Variants in DCAF16 observed in about 807,000 individuals in gnomAD.
DCAF16 encodes DDB1 and CUL4 associated factor 16.
DCAF16 carries 10 observed loss-of-function variants against 17.3 expected under a neutral mutation model. That is an observed-to-expected ratio of 0.58 (90% confidence interval 0.36 to 0.98). The LOEUF is 0.98. DCAF16 is among the 50% of genes least tolerant of loss of function. DCAF16 has a pLI of 0.01. For synonymous variants in DCAF16, 111 were observed against 92.8 expected, an observed-to-expected ratio of 1.20 and a Z score of -1.12; for missense variants, 249 against 247.6, an observed-to-expected ratio of 1.01 and a Z score of -0.04.
chr4:17,800,144 CAAAAA>C (rs971077538), downstream of DCAF16, among the ~76,000 whole-genome samples: 1 of 46,002 alleles, frequency 2.2e-5, no homozygotes, highest in Non-Finnish European at 5.0e-5. Flanking sequence ...AACTCCATCT[CAAAAA>C]AAAAAAAAAA....
Position 17,803,647 on chromosome 4 carries a change from G to T in DCAF16, c.495C>A (p.Tyr165Ter). The change falls in exon 3 of 3, where the codon TAC becomes TAA. Residue 165 changes from tyrosine (Y) to a stop codon, truncating the protein, a stop_gained. Coordinates refer to ENST00000382247, the MANE Select transcript of DCAF16 (RefSeq NM_017741.4). LOFTEE classifies it high-confidence loss of function. ...TLSRATPIPE[Y>*]LKQIPNSCVS... The stretch of plus-strand genomic sequence containing the variant: ...CACATGAATTAGGGATCTGTTTTAG[G>T]TATTCAGGTATGGGAGTGGCTCTAC... 6.2e-7 allele frequency: 1 copy of T among 1,614,218 alleles called. No homozygotes were observed. The highest frequency in any genetic ancestry group is 8.5e-7 in the Non-Finnish European group (1 of 1,180,030).
In DCAF16 at chr4:17,801,947, C is replaced by T. The variant is rs1475089231; in HGVS notation, c.*1544G>A. ...TGAAACCCTGTCTCTACTAAAAATA[C>T]AAAAAAATAGCCAGGAGTGGTGGTG... On this transcript the variant is annotated 3_prime_UTR_variant, in exon 3 of 3. Coordinates refer to ENST00000382247, the MANE Select transcript of DCAF16 (RefSeq NM_017741.4). The T allele has an allele frequency of 6.6e-6, 1 of 151,712 alleles. No homozygotes were observed. Among genetic ancestry groups the T allele is most frequent in the South Asian group, 2.1e-4 (1 of 4,820 alleles). The allele number at this position is 151,712 out of a possible 1,614,324, so 9.4% of individuals were successfully genotyped here.
chr4:17,807,870 G>A (rs3902581), intron 1 of DCAF16, among the ~76,000 whole-genome samples: 1 of 152,198 alleles, frequency 6.6e-6, no homozygotes, highest in Admixed American at 6.5e-5. Context: ...GTGCTAATAA[G>A]GTCATATGGT....
chr4:17,808,990 T>C (rs927854452), intron 1 of DCAF16, among the ~76,000 whole-genome samples: 12 of 152,050 alleles, frequency 7.9e-5, no homozygotes, highest in African/African-American at 2.9e-4. Context: ...GATCGCGCCA[T>C]TGCACTCCAG....
At position 17,802,101 on chromosome 4, in the gene DCAF16, CAAAAAAAAAAAA is replaced by C. The variant is rs71167339; in HGVS notation, c.*1378_*1389del. Reference sequence around the variant, plus strand: ...TGGGCGACAGAGCAAGACTCCGTCTCAAAAAAAAAAAAAAAAAAAAAATTAGAAGGGTTCCTG... The same window carrying C: ...TGGGCGACAGAGCAAGACTCCGTCTCAAAAAAAAAATTAGAAGGGTTCCTG... On this transcript the variant is annotated 3_prime_UTR_variant, in exon 3 of 3. Coordinates refer to ENST00000382247, the MANE Select transcript of DCAF16 (RefSeq NM_017741.4). 2 of 91,472 alleles carry C rather than the reference CAAAAAAAAAAAA, an allele frequency of 2.2e-5. No homozygotes were observed. The highest frequency in any genetic ancestry group is 9.6e-5 in the African/African-American group (2 of 20,914). 5.7% of individuals were successfully genotyped at this position (91,472 alleles called of 1,614,324 possible). A position where few individuals can be genotyped will look rare whatever the true frequency, so the allele number is the denominator to read the frequency against.
downstream of DCAF16, among the ~76,000 whole-genome samples, chr4:17,799,914 C>T (rs558099283): frequency 2.6e-5 from 4 of 152,242 alleles, no homozygotes; most frequent in East Asian, 7.7e-4. Context: ...CTTTGGGAGG[C>T]TGAGGTGGGT....
chr4:17,808,064 T>C (rs1720492465), intron 1 of DCAF16, among the ~76,000 whole-genome samples: 1 of 152,350 alleles, frequency 6.6e-6, no homozygotes, highest in East Asian at 1.9e-4. Context: ...AGTTCCAAGT[T>C]ATATCTTGGT....
At position 17,805,234 on chromosome 4, in the gene DCAF16, C is replaced by T. The variant is rs1252493513; in HGVS notation, c.-749-9G>A. The T allele has an allele frequency of 6.7e-6, 1 of 150,082 alleles. No individual in the cohort carries two copies. The highest frequency in any genetic ancestry group is 2.5e-5 in the African/African-American group (1 of 40,810). 9.3% of individuals were successfully genotyped at this position (150,082 alleles called of 1,614,324 possible). ...CACCAATTCTATATAAGCTGTTCCACAAAAAAGAAAAAAGCATGAAAACTG... is the reference window on the plus strand; with the variant it reads ...CACCAATTCTATATAAGCTGTTCCATAAAAAAGAAAAAAGCATGAAAACTG... On this transcript the variant is annotated splice_polypyrimidine_tract_variant and intron_variant, in intron 1 of 2. Transcript: ENST00000382247.
Position 17,803,346 on chromosome 4 carries a change from C to A in DCAF16, c.*145G>T. 1 of 757,728 alleles carries A rather than the reference C, an allele frequency of 1.3e-6. No homozygotes were observed. Among genetic ancestry groups the A allele is most frequent in the Non-Finnish European group, 2.2e-6 (1 of 456,252 alleles). The allele number at this position is 757,728 out of a possible 1,614,324, so 46.9% of individuals were successfully genotyped here. A position where few individuals can be genotyped will look rare whatever the true frequency, so the allele number is the denominator to read the frequency against. On this transcript the variant is annotated 3_prime_UTR_variant, in exon 3 of 3. Coordinates refer to ENST00000382247, the MANE Select transcript of DCAF16 (RefSeq NM_017741.4). The stretch of plus-strand genomic sequence containing the variant: ...GACCTTGATATTATCATTTTATCCA[C>A]AGGGTTTGTCAAAGGGTATCCTCAT...
At position 17,803,737 on chromosome 4, in the gene DCAF16, A is replaced by G. The variant is rs781568749; in HGVS notation, c.405T>C (p.Ser135=). ...CTCCATTTAGAGTGGCATGATCTCT[A>G]GAGAGCCGGCTGGGACTTGTAAGAG... ...QKPLTSPSRL[S]RDHATLNGAL... The change falls in exon 3 of 3, where the codon TCT becomes TCC. Residue 135 remains serine (S), a synonymous_variant. Transcript: ENST00000382247. The G allele has an allele frequency of 1.9e-6, 3 of 1,614,172 alleles. No homozygotes were observed. Among genetic ancestry groups the G allele is most frequent in the Non-Finnish European group, 2.5e-6 (3 of 1,180,030 alleles).
At chr4:17,810,348 AC>A (rs1465785596) in intron 1 of DCAF16, 98 bp downstream of exon 1, 10 of 152,542 alleles carry the variant, frequency 6.6e-5, no homozygotes, top group African/African-American at 2.4e-4. Flanking sequence ...CCCCTTCGCA[AC>A]GATCCCCGGA....
chr4:17,797,360 G>A (rs961492187), downstream of DCAF16, among the ~76,000 whole-genome samples: 1 of 151,872 alleles, frequency 6.6e-6, no homozygotes, highest in Non-Finnish European at 1.5e-5. Flanking sequence ...AAATGTATTC[G>A]GGTGTCCTGT....
chr4:17,796,131 G>C (rs1719415400), downstream of DCAF16, among the ~76,000 whole-genome samples: 1 of 152,180 alleles, frequency 6.6e-6, no homozygotes, highest in African/African-American at 2.4e-5. Flanking sequence ...TCATCTGCTA[G>C]AGAGATAGCT....
chr4:17,798,499 G>A (rs1719534098), downstream of DCAF16, among the ~76,000 whole-genome samples: 1 of 151,902 alleles, frequency 6.6e-6, no homozygotes, highest in Admixed American at 6.6e-5. Context: ...ATGAGGCTGA[G>A]GTGGGAGGAT....
the DCAF16 span, among the ~76,000 whole-genome samples, chr4:17,793,545 A>G: frequency 6.6e-6 from 1 of 152,192 alleles, no homozygotes; most frequent in Non-Finnish European, 1.5e-5. Context: ...ATAATCAAAT[A>G]GTCTATAACA....
At position 17,804,227 on chromosome 4, in the gene DCAF16, G is replaced by A; in HGVS notation, c.-86C>T. On this transcript the variant is annotated 5_prime_UTR_variant, in exon 3 of 3. Coordinates refer to ENST00000382247, the MANE Select transcript of DCAF16 (RefSeq NM_017741.4). ...CTAACACTGGCAAATAGAAATAAGA[G>A]ATGAAAAATCCTTTCACCAAGATTA... 1.7e-6 allele frequency: 2 copies of A among 1,164,614 alleles called. No individual in the cohort carries two copies. Among genetic ancestry groups the A allele is most frequent in the Non-Finnish European group, 2.4e-6 (2 of 818,388 alleles). 72.1% of individuals were successfully genotyped at this position (1,164,614 alleles called of 1,614,324 possible).
At chr4:17,799,411 CTTAT>C (rs1384612089), downstream of DCAF16, among the ~76,000 whole-genome samples, 2 of 152,162 alleles carry the variant, frequency 1.3e-5, no homozygotes, top group African/African-American at 4.8e-5. Context: ...GTGTAGTAAT[CTTAT>C]TTAGTTTTGC....
chr4:17,799,046 T>A (rs527688575), downstream of DCAF16, among the ~76,000 whole-genome samples: 1 of 152,352 alleles, frequency 6.6e-6, no homozygotes, highest in East Asian at 1.9e-4. Context: ...CAGGCTGTTC[T>A]ATATGTCCTA....
intron 1 of DCAF16, among the ~76,000 whole-genome samples, chr4:17,806,939 T>C (rs1013478517): frequency 4.6e-5 from 7 of 152,138 alleles, no homozygotes; most frequent in Admixed American, 6.5e-5. Context: ...ATATGTTTAG[T>C]ACATATTATT....
Sources: gnomAD v4.1 joint callset for allele counts (sites outside exome capture counted in the v4.1 genomes callset) on GRCh38, gnomAD v4.1.1 for gene constraint, MANE v1.5 for transcripts, NCBI Gene and HGNC (gene_info 2026-07-23, HGNC 2026-07-21) for gene names.